The following NCR3 variants were observed in gnomAD, a reference collection of about 807,000 sequenced individuals.
NCR3 encodes NK-p30.
NCR3 carries 13 observed loss-of-function variants against 16.1 expected under a neutral mutation model. The observed-to-expected ratio is 0.81, with a 90% CI of 0.53 to 1.28. The LOEUF (loss-of-function observed/expected upper bound fraction) is 1.28. Among genes scored for constraint, NCR3 ranks in the 50% most tolerant of loss-of-function variants. The probability of loss-of-function intolerance (pLI) is 0.00; values close to 1 mark genes in which losing one functional copy is unlikely to be tolerated. For missense variants in NCR3, 202 were observed against 256.8 expected (o/e 0.79, Z 1.46); for synonymous variants, 98 against 106.6 (o/e 0.92, Z 0.50).
Position 31,592,822 on chromosome 6 carries a change from G to A in NCR3, c.-101C>T. On this transcript the variant is annotated 5_prime_UTR_variant, in exon 1 of 4. Coordinates refer to ENST00000340027, the MANE Select transcript of NCR3 (RefSeq NM_147130.3). ...TAGCCAGGCCTTTGGTCACCAGATG[G>A]GGATGGGGAGCTTCCTATGACACAC... 7.8e-7 allele frequency: 1 copy of A among 1,282,406 alleles called. No individual in the cohort carries two copies. The highest frequency in any genetic ancestry group is 2.4e-5 in the East Asian group (1 of 42,410). 79.4% of individuals were successfully genotyped at this position (1,282,406 alleles called of 1,614,324 possible).
chr6:31,589,863 C>T lies in NCR3; in HGVS notation c.307G>A (p.Ala103Thr), dbSNP rs11575840. 0.017 allele frequency: 27,611 copies of T among 1,613,218 alleles called. 321 individuals carry two copies. The highest frequency in any genetic ancestry group is 0.045 in the Middle Eastern group (272 of 6,062). Residue 103 changes from alanine to threonine, a missense_variant, in exon 2 of 4, where the codon GCC becomes ACC. Coordinates refer to ENST00000340027, the MANE Select transcript of NCR3 (RefSeq NM_147130.3). This position sits in a 1 kb window ranked among gnomAD's most constrained non-coding sequence, Gnocchi z 4.8. ...LHIRDVRGHD[A>T]SIYVCRVEVL... ...TCCACTCTGCACACGTAGATGCTGG[C>T]GTCATGGCCTCGCACGTCCCGGATG...
At chr6:31,591,830 C>T (rs1003952132) in intron 1 of NCR3, among the ~76,000 whole-genome samples, 4 of 151,596 alleles carry the variant, frequency 2.6e-5, no homozygotes, top group Non-Finnish European at 5.9e-5. Flanking sequence ...AAAGTTTCAC[C>T]ACCAGGCGGG....
chr6:31,591,327 C>A (rs1772618436), intron 1 of NCR3, among the ~76,000 whole-genome samples: 1 of 152,204 alleles, frequency 6.6e-6, no homozygotes, highest in African/African-American at 2.4e-5. Context: ...TTCAGTGGTT[C>A]TCAAACTTGA....
chr6:31,592,570 G>A (rs561442008), intron 1 of NCR3, 109 bp downstream of exon 1: 236 of 1,183,682 alleles, frequency 2.0e-4, no homozygotes, highest in Non-Finnish European at 2.4e-4. Context: ...CCTCAGAGCC[G>A]TGTGTTTCAG....
At position 31,589,271 on chromosome 6, in the gene NCR3, G is replaced by T; in HGVS notation, c.497-95C>A. On this transcript the variant is annotated intron_variant, in intron 3 of 3. Transcript: ENST00000340027. The surrounding 1 kb of genome is among the most constrained non-coding windows in gnomAD (Gnocchi z 4.8). Reference sequence around the variant, plus strand: ...AGAAAACACTTGAGACTCATGAGGAGTTAGTGGTGGGGCAGATTTATTGGG... The same window carrying T: ...AGAAAACACTTGAGACTCATGAGGATTTAGTGGTGGGGCAGATTTATTGGG... 3 of 1,555,446 alleles carry T rather than the reference G, an allele frequency of 1.9e-6. No individual in the cohort carries two copies. The highest frequency in any genetic ancestry group is 2.6e-6 in the Non-Finnish European group (3 of 1,148,738).
rs546667411 is a variant in NCR3 at position 31,589,619 on chromosome 6, C to G, written c.403G>C (p.Gly135Arg). The G allele has an allele frequency of 1.4e-5, 22 of 1,613,750 alleles. No homozygotes were observed. In the African/African-American group the frequency reaches 2.8e-4, roughly 21 times the overall value. The change falls in exon 3 of 4, where the codon GGG (glycine) becomes CGG (arginine). Residue 135 changes from glycine (G) to arginine (R), a missense_variant. By Grantham distance (125) the Gly-to-Arg change is moderately radical (BLOSUM62 -2). Coordinates refer to ENST00000340027, the MANE Select transcript of NCR3 (RefSeq NM_147130.3). The surrounding 1 kb of genome is among the most constrained non-coding windows in gnomAD (Gnocchi z 4.8). ...LVVEKEHPQL[G>R]AGTVLLLRAG... The stretch of plus-strand genomic sequence containing the variant: ...CGAAGGAGGAGGACTGTACCAGCCC[C>G]TAGCTGAGGATGTTCTGCATGGGGC...
chr6:31,590,018 C>G lies in NCR3; in HGVS notation c.152G>C (p.Gly51Ala). 6.2e-7 allele frequency: 1 copy of G among 1,613,088 alleles called. No individual in the cohort carries two copies. Among genetic ancestry groups the G allele is most frequent in the African/African-American group, 1.3e-5 (1 of 75,038 alleles). ...FNASQGRLAI[G>A]SVTWFRDEVV... ...CTCATCTCGGAACCACGTGACGGAG[C>G]CAATGGCCAGTCTCCCTTGGCTGGC... The change falls in exon 2 of 4, where the codon GGC becomes GCC. Residue 51 changes from glycine (G) to alanine (A), a missense_variant. Coordinates refer to ENST00000340027, the MANE Select transcript of NCR3 (RefSeq NM_147130.3).
chr6:31,590,898 G>T (rs960012556), intron 1 of NCR3, among the ~76,000 whole-genome samples: 1 of 152,046 alleles, frequency 6.6e-6, no homozygotes, highest in Non-Finnish European at 1.5e-5. Context: ...GGAATGCAGT[G>T]GTGCAATCTT....
At chr6:31,592,375 G>A (rs62395786) in intron 1 of NCR3, among the ~76,000 whole-genome samples, 2 of 150,500 alleles carry the variant, frequency 1.3e-5, no homozygotes, top group African/African-American at 2.5e-5. Context: ...ATCGCACCAC[G>A]GCACTCCAGC....
Position 31,589,449 on chromosome 6 carries a change from G to A in NCR3, c.496+77C>T, listed in dbSNP as rs11575842. ...CAGTCCCGAGGCTCTCCTCTTCCTGGTCTCTGTCCTCCCTCCTCCCACTCT... is the reference window on the plus strand; with the variant it reads ...CAGTCCCGAGGCTCTCCTCTTCCTGATCTCTGTCCTCCCTCCTCCCACTCT... On this transcript the variant is annotated intron_variant, in intron 3 of 3. Transcript: ENST00000340027. This position sits in a 1 kb window ranked among gnomAD's most constrained non-coding sequence, Gnocchi z 4.8. The A allele has an allele frequency of 0.13, 202,021 of 1,579,002 alleles. 13,478 individuals carry two copies. Among genetic ancestry groups the A allele is most frequent in the Non-Finnish European group, 0.14 (160,077 of 1,160,384 alleles).
At position 31,589,118 on chromosome 6, in the gene NCR3, T is replaced by G. The variant is rs770824628; in HGVS notation, c.555A>C (p.Pro185=). ...QLPAVVPAPL[P]PPCGSSAHLL... ...GATGTGCTGAGCTCCCACATGGTGG[T>G]GGGAGGGGCGCTGGGACCACAGCCG... Residue 185 remains proline, a synonymous_variant, in exon 4 of 4, where the codon CCA becomes CCC. Coordinates refer to ENST00000340027, the MANE Select transcript of NCR3 (RefSeq NM_147130.3). The surrounding 1 kb of genome is among the most constrained non-coding windows in gnomAD (Gnocchi z 4.8). The G allele has an allele frequency of 5.0e-6, 8 of 1,611,822 alleles. No individual in the cohort carries two copies. In the Admixed American group the frequency reaches 5.0e-5, roughly 10 times the overall value.
chr6:31,592,591 G>GC, intron 1 of NCR3, 88 bp downstream of exon 1: 1 of 1,467,612 alleles, frequency 6.8e-7, no homozygotes, highest in Non-Finnish European at 9.4e-7. Flanking sequence ...CCCCCACCAA[G>GC]CCCGTTCCCT....
chr6:31,591,587 G>A lies in NCR3; in HGVS notation c.43+1092C>T, dbSNP rs543194788. Among the ~76,000 whole-genome samples the A allele has an allele frequency of 3.3e-5, 5 of 152,228 alleles. No homozygotes were observed. In the South Asian group the frequency reaches 6.2e-4, roughly 19 times the overall value. On this transcript the variant is annotated intron_variant, in intron 1 of 3. Transcript: ENST00000340027. ...TCCCAACACTTTGGAAGGCCAAGGC[G>A]AGTGGATCACCTGAGGTCAGGAGTT...
Position 31,592,797 on chromosome 6 carries a change from T to A in NCR3, c.-76A>T, listed in dbSNP as rs1171662388. On this transcript the variant is annotated 5_prime_UTR_variant, in exon 1 of 4. Coordinates refer to ENST00000340027, the MANE Select transcript of NCR3 (RefSeq NM_147130.3). ...TGGAGGAGGAAGGACTCACTACTTGTAGCCAGGCCTTTGGTCACCAGATGG... is the reference window on the plus strand; with the variant it reads ...TGGAGGAGGAAGGACTCACTACTTGAAGCCAGGCCTTTGGTCACCAGATGG... 1 of 1,543,538 alleles carries A rather than the reference T, an allele frequency of 6.5e-7. No individual in the cohort carries two copies. The highest frequency in any genetic ancestry group is 1.4e-5 in the African/African-American group (1 of 73,586).
Position 31,592,832 on chromosome 6 carries a change from G to A in NCR3, c.-111C>T. 1 of 1,156,388 alleles carries A rather than the reference G, an allele frequency of 8.6e-7. No homozygotes were observed. Among genetic ancestry groups the A allele is most frequent in the Non-Finnish European group, 1.3e-6 (1 of 780,074 alleles). 71.6% of individuals were successfully genotyped at this position (1,156,388 alleles called of 1,614,324 possible). A position where few individuals can be genotyped will look rare whatever the true frequency, so the allele number is the denominator to read the frequency against. ...TTTGGTCACCAGATGGGGATGGGGAGCTTCCTATGACACACGGGACTCACA... is the reference window on the plus strand; with the variant it reads ...TTTGGTCACCAGATGGGGATGGGGAACTTCCTATGACACACGGGACTCACA... On this transcript the variant is annotated 5_prime_UTR_variant, in exon 1 of 4. Coordinates refer to ENST00000340027, the MANE Select transcript of NCR3 (RefSeq NM_147130.3).
rs1772347012 is a variant in NCR3, at chr6:31,588,915, G to A, written c.*152C>T. 1.0e-6 allele frequency: 1 copy of A among 962,904 alleles called. No individual in the cohort carries two copies. The highest frequency in any genetic ancestry group is 2.9e-5 in the Admixed American group (1 of 34,306). 59.6% of individuals were successfully genotyped at this position (962,904 alleles called of 1,614,324 possible). A position where few individuals can be genotyped will look rare whatever the true frequency, so the allele number is the denominator to read the frequency against. Reference sequence around the variant, plus strand: ...ATGGCTCACCCTTCCACCCACTCTGGGGTCAAATAGTAATTTATTGGGTGA... The same window carrying A: ...ATGGCTCACCCTTCCACCCACTCTGAGGTCAAATAGTAATTTATTGGGTGA... On this transcript the variant is annotated 3_prime_UTR_variant, in exon 4 of 4. Transcript: ENST00000340027.
At chr6:31,590,444 A>G (rs1471264792) in intron 1 of NCR3, among the ~76,000 whole-genome samples, 1 of 152,098 alleles carries the variant, frequency 6.6e-6, no homozygotes, top group Non-Finnish European at 1.5e-5. Context: ...TACTAAAAAA[A>G]TACAAAAATT....
At position 31,590,459 on chromosome 6, in the gene NCR3, G is replaced by A. The variant is rs566611695; in HGVS notation, c.44-333C>T. Among the ~76,000 whole-genome samples the A allele has an allele frequency of 1.1e-3, 168 of 151,982 alleles. 1 individual carries two copies. Among genetic ancestry groups the A allele is most frequent in the Middle Eastern group, 6.8e-3 (2 of 294 alleles). ...TACTAAAAAAATACAAAAATTAGCCGGGCATGGTGGTGTGCACCTGTAATC... is the reference window on the plus strand; with the variant it reads ...TACTAAAAAAATACAAAAATTAGCCAGGCATGGTGGTGTGCACCTGTAATC... On this transcript the variant is annotated intron_variant, in intron 1 of 3. Transcript: ENST00000340027.
At chr6:31,590,925 C>T (rs3130063) in intron 1 of NCR3, among the ~76,000 whole-genome samples, 13,908 of 152,112 alleles carry the variant, frequency 0.091, 729 homozygotes, top group Non-Finnish European at 0.11. Flanking sequence ...CTGCAAACTC[C>T]GTCCCCTGGG....
Sources: gnomAD v4.1 joint callset for allele counts (sites outside exome capture counted in the v4.1 genomes callset) on GRCh38, gnomAD v4.1.1 for gene constraint, Gnocchi (gnomAD v3.1) non-coding constraint, MANE v1.5 for transcripts, NCBI Gene and HGNC (gene_info 2026-07-23, HGNC 2026-07-21) for gene names.